CFAP61: variants seen among roughly 807,000 people sequenced by gnomAD.
CFAP61 encodes the protein cilia- and flagella-associated protein 61.
Under a neutral mutation model 135.6 loss-of-function variants are expected in CFAP61, and 107 were observed. The ratio of observed to expected loss-of-function variants is 0.79; its 90% CI spans 0.67 to 0.93. CFAP61 has a LOEUF of 0.93. Among genes scored for constraint, CFAP61 ranks in the 40% least tolerant of loss-of-function variants. CFAP61 has a pLI of 0.00. For missense variants in CFAP61, 1,507 were observed against 1,556.2 expected, an observed-to-expected ratio of 0.97 and a Z score of 0.53; for synonymous variants, 575 against 578.5, an observed-to-expected ratio of 0.99 and a Z score of 0.09.
intron 13 of CFAP61, among the ~76,000 whole-genome samples, chr20:20,178,655 G>T (rs762764102): frequency 5.6e-5 from 8 of 141,746 alleles, no homozygotes; most frequent in African/African-American, 1.9e-4. Context: ...AATGCATTTA[G>T]CTAGTTGTCC....
intron 13 of CFAP61, among the ~76,000 whole-genome samples, chr20:20,182,733 A>AATTAAAAGC (rs1214018621): frequency 6.6e-6 from 1 of 152,232 alleles, no homozygotes; most frequent in Non-Finnish European, 1.5e-5. Flanking sequence ...AATTAAAAGC[A>AATTAAAAGC]ATTTCCTTTG....
At chr20:20,289,382 C>A (rs570721615) in intron 23 of CFAP61, among the ~76,000 whole-genome samples, 65 of 152,290 alleles carry the variant, frequency 4.3e-4, no homozygotes, top group African/African-American at 1.3e-3. Context: ...AGCTGTAAAG[C>A]AGTGCACTTT....
chr20:20,200,994 CATT>C, intron 17 of CFAP61: 2 of 971,532 alleles, frequency 2.1e-6, no homozygotes, highest in Non-Finnish European at 1.2e-6. Flanking sequence ...AAATTTATAT[CATT>C]GTAAATTTAT....
chr20:20,200,685 G>A (rs887597019), intron 17 of CFAP61: 1 of 984,742 alleles, frequency 1.0e-6, no homozygotes, highest in African/African-American at 1.8e-5. Flanking sequence ...TTGTGAGACA[G>A]GAAAAAAGGA....
intron 17 of CFAP61, among the ~76,000 whole-genome samples, chr20:20,226,992 T>G (rs935753357): frequency 7.9e-5 from 12 of 152,272 alleles, no homozygotes; most frequent in Admixed American, 2.6e-4. Flanking sequence ...TTTAAATTTC[T>G]ATCAATATAT....
At chr20:20,098,131 T>C (rs1409516242) in intron 7 of CFAP61, among the ~76,000 whole-genome samples, 1 of 152,156 alleles carries the variant, frequency 6.6e-6, no homozygotes, top group Non-Finnish European at 1.5e-5. Context: ...CCCTGTTACT[T>C]ATGCACCACT....
chr20:20,355,395 A>T (rs1450560026), intron 26 of CFAP61, among the ~76,000 whole-genome samples: 1 of 36,358 alleles, frequency 2.8e-5, no homozygotes, highest in African/African-American at 1.1e-4. Context: ...GTGAGCAGAG[A>T]TGGTCACACT....
At chr20:20,235,243 A>C (rs1030856668) in intron 18 of CFAP61, among the ~76,000 whole-genome samples, 5 of 152,142 alleles carry the variant, frequency 3.3e-5, no homozygotes, top group African/African-American at 1.2e-4. Context: ...AGAAACTTAC[A>C]TTAAACTCTC....
intron 8 of CFAP61, among the ~76,000 whole-genome samples, chr20:20,118,297 CTTTCTTTCT>C (rs1471700091): frequency 1.1e-3 from 119 of 109,700 alleles, no homozygotes; most frequent in African/African-American, 4.0e-3. Context: ...TTCTTTCTTT[CTTTCTTTCT>C]TTTCTTTCTT....
At chr20:20,256,942 TC>T (rs1473920410) in intron 20 of CFAP61, among the ~76,000 whole-genome samples, 7 of 152,324 alleles carry the variant, frequency 4.6e-5, no homozygotes, top group African/African-American at 1.7e-4. Context: ...CCTCTGCTCT[TC>T]CGATGCTTCA....
intron 22 of CFAP61, among the ~76,000 whole-genome samples, chr20:20,284,500 T>G (rs1407407207): frequency 6.6e-6 from 1 of 152,128 alleles, no homozygotes; most frequent in Non-Finnish European, 1.5e-5. Context: ...TTATCCAGGA[T>G]GGTCTCGATC....
chr20:20,267,085 G>A (rs748807225), intron 21 of CFAP61, among the ~76,000 whole-genome samples: 1 of 152,240 alleles, frequency 6.6e-6, no homozygotes, highest in Non-Finnish European at 1.5e-5. Flanking sequence ...CCAGGTGCCA[G>A]TCAGCTATAG....
At chr20:20,175,568 C>T (rs1190969607) in intron 13 of CFAP61, among the ~76,000 whole-genome samples, 2 of 151,082 alleles carry the variant, frequency 1.3e-5, no homozygotes, top group South Asian at 2.1e-4. Flanking sequence ...CTCTGTCACC[C>T]AGGCTGGAGT....
chr20:20,082,648 T>G (rs1025687596), intron 6 of CFAP61, among the ~76,000 whole-genome samples: 3 of 152,200 alleles, frequency 2.0e-5, no homozygotes, highest in African/African-American at 7.2e-5. Context: ...CAAACAATGT[T>G]GTGAAATAAC....
At chr20:20,284,885 T>C (rs1382852048) in intron 22 of CFAP61, among the ~76,000 whole-genome samples, 1 of 152,210 alleles carries the variant, frequency 6.6e-6, no homozygotes, top group Non-Finnish European at 1.5e-5. Context: ...TACTCAGATA[T>C]TTACTAATTT....
intron 10 of CFAP61, among the ~76,000 whole-genome samples, chr20:20,162,906 G>C (rs2053520290): frequency 6.6e-6 from 1 of 152,134 alleles, no homozygotes; most frequent in Non-Finnish European, 1.5e-5. Context: ...ATTTAACCCT[G>C]AATTGTGATG....
intron 3 of CFAP61, chr20:20,074,054 G>A: frequency 1.9e-6 from 1 of 522,230 alleles, no homozygotes; most frequent in Non-Finnish European, 3.5e-6. Flanking sequence ...AAGGGCGGGT[G>A]CTCTGGACTC....
At chr20:20,166,174 A>G (rs760689680) in intron 11 of CFAP61, among the ~76,000 whole-genome samples, 2 of 152,230 alleles carry the variant, frequency 1.3e-5, no homozygotes, top group African/African-American at 2.4e-5. Flanking sequence ...ATGCACAGAG[A>G]TTGTTAATTG....
intron 17 of CFAP61, among the ~76,000 whole-genome samples, chr20:20,210,223 C>T (rs982955423): frequency 2.0e-5 from 3 of 152,204 alleles, no homozygotes; most frequent in African/African-American, 7.2e-5. Context: ...CTTCCTTCCA[C>T]TTTCCTGGCC....
Sources: gnomAD v4.1 joint callset for allele counts (sites outside exome capture counted in the v4.1 genomes callset) on GRCh38, gnomAD v4.1.1 for gene constraint, MANE v1.5 for transcripts, NCBI Gene and HGNC (gene_info 2026-07-23, HGNC 2026-07-21) for gene names.